Variants in CPEB3 observed in about 807,000 individuals in gnomAD.
The protein encoded by CPEB3 is cytoplasmic polyadenylation element binding protein 3.
In CPEB3, 20 loss-of-function variants were observed where a neutral mutation model predicts 67.2. That is an observed-to-expected ratio of 0.30 (90% confidence interval 0.21 to 0.43). The LOEUF (loss-of-function observed/expected upper bound fraction) is 0.43. Ranked by LOEUF, CPEB3 falls within the 20% of genes least tolerant of loss-of-function variation. CPEB3 has a pLI of 1.00. For synonymous variants in CPEB3, 376 were observed against 393.1 expected (o/e 0.96, Z 0.51); for missense variants, 746 against 968.6 (o/e 0.77, Z 3.05).
rs3781235 is a variant in CPEB3, at chr10:92,080,337, G to A, written c.1869+983C>T. ...AAACAGTGGCAAAGCTGGGATTCAA[G>A]GAATTTAAACTCATGCCAATCTGCA... On this transcript the variant is annotated intron_variant, in intron 9 of 9. Coordinates refer to ENST00000265997, the MANE Select transcript of CPEB3 (RefSeq NM_014912.5). Among the ~76,000 whole-genome samples, 42 of 152,266 alleles carry A rather than the reference G, an allele frequency of 2.8e-4. No homozygotes were observed. The East Asian group carries it at 6.8e-3, about 25-fold the overall frequency.
intron 4 of CPEB3, among the ~76,000 whole-genome samples, chr10:92,178,167 T>C (rs552617902): frequency 6.6e-6 from 1 of 151,818 alleles, no homozygotes; most frequent in East Asian, 1.9e-4. Flanking sequence ...ATTCCTTTTT[T>C]TTTTTTTTTT....
intron 4 of CPEB3, among the ~76,000 whole-genome samples, chr10:92,158,729 T>C (rs138867149): frequency 6.6e-6 from 1 of 152,316 alleles, no homozygotes; most frequent in African/African-American, 2.4e-5. Context: ...AAAATGAGAC[T>C]AAGGCACTGG....
intron 1 of CPEB3, among the ~76,000 whole-genome samples, chr10:92,286,172 T>C (rs1842518423): frequency 6.6e-6 from 1 of 152,066 alleles, no homozygotes. Flanking sequence ...CCTGACCTTG[T>C]GATCTGCCCA....
intron 8 of CPEB3, among the ~76,000 whole-genome samples, chr10:92,083,458 C>T (rs1668894083): frequency 6.6e-6 from 1 of 152,164 alleles, no homozygotes; most frequent in Admixed American, 6.5e-5. Flanking sequence ...TATTAGAGGT[C>T]CTTATACTTC....
chr10:92,213,317 G>T (rs545452736), intron 2 of CPEB3, among the ~76,000 whole-genome samples: 8 of 152,206 alleles, frequency 5.3e-5, no homozygotes, highest in African/African-American at 1.9e-4. Context: ...TGTTTACATG[G>T]GGCTTTAACA....
intron 4 of CPEB3, among the ~76,000 whole-genome samples, chr10:92,149,421 G>C (rs1846852788): frequency 6.6e-6 from 1 of 152,206 alleles, no homozygotes; most frequent in Non-Finnish European, 1.5e-5. Context: ...GTCCAGATGA[G>C]ACATGAGGAA....
intron 6 of CPEB3, among the ~76,000 whole-genome samples, chr10:92,128,747 T>C (rs1845710370): frequency 6.6e-6 from 1 of 152,082 alleles, no homozygotes; most frequent in African/African-American, 2.4e-5. Flanking sequence ...GAAAAAAAGC[T>C]CAATATCGCT....
intron 3 of CPEB3, among the ~76,000 whole-genome samples, chr10:92,190,665 CAAAAAAAAAAAAAAAAAAAAAAAAAA>C (rs780757034): frequency 2.6e-5 from 2 of 78,396 alleles, no homozygotes; most frequent in Non-Finnish European, 4.6e-5. Context: ...AACTCCATCT[CAAAAAAAAAAAAAAAAAAAAAAAAAA>C]AAAAAAAAAA....
At chr10:92,223,769 G>A (rs1564883200) in intron 2 of CPEB3, among the ~76,000 whole-genome samples, 1 of 137,056 alleles carries the variant, frequency 7.3e-6, no homozygotes, top group East Asian at 2.1e-4. Context: ...TTTTTTTTGA[G>A]TCAGAGTCTC....
chr10:92,213,131 T>A (rs1850177317), intron 2 of CPEB3, among the ~76,000 whole-genome samples: 1 of 152,176 alleles, frequency 6.6e-6, no homozygotes, highest in African/African-American at 2.4e-5. Flanking sequence ...TGTTTACTTC[T>A]GCCCTAAAAC....
chr10:92,073,038 C>CTTTTT (rs546510647), intron 9 of CPEB3, among the ~76,000 whole-genome samples: 3 of 61,234 alleles, frequency 4.9e-5, no homozygotes, highest in Admixed American at 2.5e-4. Context: ...GAATCTCTGT[C>CTTTTT]TTTTTTTTTT....
rs1246758459 is a variant in CPEB3 at position 92,239,282 on chromosome 10, G to A, written c.1005+64C>T. On this transcript the variant is annotated intron_variant, in intron 2 of 9. Coordinates refer to ENST00000265997, the MANE Select transcript of CPEB3 (RefSeq NM_014912.5). This position sits in a 1 kb window ranked among gnomAD's most constrained non-coding sequence, Gnocchi z 6.0. ...AATATAAGCGGGTGGATGATTAAAA[G>A]TCAGAGAAGTGGCAAAAGGAGCGGG... is the stretch of plus-strand genomic sequence containing the variant. 13 of 1,528,866 alleles carry A rather than the reference G, an allele frequency of 8.5e-6. No homozygotes were observed. The African/African-American group carries it at 9.6e-5, about 11-fold the overall frequency. 94.7% of individuals were successfully genotyped at this position (1,528,866 alleles called of 1,614,324 possible).
chr10:92,239,770 G>T lies in CPEB3; in HGVS notation c.581C>A (p.Ala194Asp). The change falls in exon 2 of 10, where the codon GCC (alanine) becomes GAC (aspartate). Residue 194 changes from alanine (A) to aspartate (D), a missense_variant. Ala to Asp is a moderately radical substitution (Grantham distance 126, BLOSUM62 -2). Transcript: ENST00000265997. This position sits in a 1 kb window ranked among gnomAD's most constrained non-coding sequence, Gnocchi z 6.0. ...AQPPQQRRSP[A>D]SPSQAPYAQR... ...CGCGTAGGGCGCCTGGCTGGGGCTG[G>T]CGGGTGAGCGGCGCTGCTGCGGGGG... 7.0e-7 allele frequency: 1 copy of T among 1,429,824 alleles called. No homozygotes were observed. The allele number at this position is 1,429,824 out of a possible 1,614,324, so 88.6% of individuals were successfully genotyped here.
At chr10:92,229,662 T>C (rs1851168927) in intron 2 of CPEB3, among the ~76,000 whole-genome samples, 1 of 152,196 alleles carries the variant, frequency 6.6e-6, no homozygotes, top group East Asian at 1.9e-4. Flanking sequence ...GGGAAACATA[T>C]ATTTTATATT....
intron 7 of CPEB3, among the ~76,000 whole-genome samples, chr10:92,096,698 C>G (rs902505131): frequency 6.6e-6 from 1 of 152,148 alleles, no homozygotes; most frequent in Non-Finnish European, 1.5e-5. Flanking sequence ...AATCCCAGCA[C>G]TTTGGGAGGC....
At chr10:92,080,110 G>A (rs1843084996) in intron 9 of CPEB3, among the ~76,000 whole-genome samples, 1 of 151,798 alleles carries the variant, frequency 6.6e-6, no homozygotes, top group African/African-American at 2.4e-5. Flanking sequence ...GGGAGGCTGA[G>A]GCAGGAGAAT....
chr10:92,237,863 G>GA (rs996239685), intron 2 of CPEB3, among the ~76,000 whole-genome samples: 6 of 151,982 alleles, frequency 3.9e-5, no homozygotes, highest in South Asian at 2.1e-4. Context: ...TTTAGAATGG[G>GA]AAAAAAATAT....
At chr10:92,184,274 C>T (rs1364786126) in intron 3 of CPEB3, among the ~76,000 whole-genome samples, 2 of 152,128 alleles carry the variant, frequency 1.3e-5, no homozygotes, top group South Asian at 2.1e-4. Context: ...TTGACTTCAG[C>T]AGGTCTCTGG....
chr10:92,113,653 G>T (rs1175815897), intron 6 of CPEB3, among the ~76,000 whole-genome samples: 1 of 152,178 alleles, frequency 6.6e-6, no homozygotes, highest in Non-Finnish European at 1.5e-5. Context: ...AAGGCCTCCT[G>T]GCTGACTCCA....
Sources: gnomAD v4.1 joint callset for allele counts (sites outside exome capture counted in the v4.1 genomes callset) on GRCh38, gnomAD v4.1.1 for gene constraint, Gnocchi (gnomAD v3.1) non-coding constraint, MANE v1.5 for transcripts, NCBI Gene and HGNC (gene_info 2026-07-23, HGNC 2026-07-21) for gene names.